The following C6orf62 variants were observed in gnomAD, a reference collection of about 807,000 sequenced individuals.
C6orf62 encodes the protein chromosome 6 open reading frame 62.
C6orf62 carries 16 observed loss-of-function variants against 26.8 expected under a neutral mutation model. The ratio of observed to expected loss-of-function variants is 0.60; its 90% CI spans 0.40 to 0.91. The LOEUF is 0.91. Ranked by LOEUF, C6orf62 falls within the 40% of genes least tolerant of loss-of-function variation. The pLI is 0.00. For missense variants in C6orf62, 192 were observed against 271.4 expected (o/e 0.71, Z 2.06); for synonymous variants, 112 against 91.5 (o/e 1.22, Z -1.28).
upstream of C6orf62, chr6:24,719,986 AT>A: frequency 6.5e-7 from 1 of 1,543,674 alleles, no homozygotes; most frequent in Admixed American, 2.0e-5. Flanking sequence ...AAAGAAAATA[AT>A]TGTGTTAATA....
intron 3 of C6orf62, among the ~76,000 whole-genome samples, chr6:24,710,801 C>T (rs10456316): frequency 6.6e-6 from 1 of 151,808 alleles, no homozygotes; most frequent in Admixed American, 6.6e-5. Flanking sequence ...GAGTTTGAGA[C>T]CAGCCCGGGC....
Position 24,718,648 on chromosome 6 carries a change from C to T in C6orf62, c.21G>A (p.Arg7=), listed in dbSNP as rs755899978. 9 of 1,613,784 alleles carry T rather than the reference C, an allele frequency of 5.6e-6. No homozygotes were observed. In the South Asian group the frequency reaches 8.8e-5, roughly 16 times the overall value. ...GTAGTCTGTTCAGAGCTTGTTTCTT[C>T]CGGGAGTTTGGGTCCCCCATTTTGA... MGDPNS[R]KKQALNRLRA... Residue 7 remains arginine (R), a synonymous_variant, in exon 1 of 5, where the codon CGG becomes CGA. Transcript: ENST00000378119.
intron 4 of C6orf62, among the ~76,000 whole-genome samples, chr6:24,707,726 G>C (rs536475018): frequency 6.6e-6 from 1 of 151,998 alleles, no homozygotes. Context: ...AAAGTCAGCC[G>C]GTTGCGGTGG....
At position 24,706,071 on chromosome 6, in the gene C6orf62, G is replaced by T; in HGVS notation, c.*66C>A. The stretch of plus-strand genomic sequence containing the variant: ...CTTTAAACTCTGAAAGAATAAAGTG[G>T]TAAGAAAACAAGAAAAAAAACTGCT... On this transcript the variant is annotated 3_prime_UTR_variant, in exon 5 of 5. Transcript: ENST00000378119. 1 of 1,587,252 alleles carries T rather than the reference G, an allele frequency of 6.3e-7. No homozygotes were observed. The highest frequency in any genetic ancestry group is 8.6e-7 in the Non-Finnish European group (1 of 1,164,064).
chr6:24,711,609 A>G (rs188360154), intron 3 of C6orf62, among the ~76,000 whole-genome samples: 60 of 152,278 alleles, frequency 3.9e-4, no homozygotes, highest in Non-Finnish European at 7.9e-4. Flanking sequence ...AGCCTGGGCA[A>G]CAAAGTGAGA....
upstream of C6orf62, chr6:24,719,181 CAAAA>C (rs1779303032): frequency 1.1e-6 from 1 of 907,914 alleles, no homozygotes; most frequent in Admixed American, 6.7e-5. Flanking sequence ...AAAAACTCAC[CAAAA>C]CCAAAACCAA....
chr6:24,714,762 T>C (rs899937336), intron 2 of C6orf62, among the ~76,000 whole-genome samples: 1 of 152,224 alleles, frequency 6.6e-6, no homozygotes, highest in South Asian at 2.1e-4. Flanking sequence ...ATTACAAGTG[T>C]GTGCCACCAT....
chr6:24,718,531 T>G lies in C6orf62; in HGVS notation c.129+9A>C. 1.3e-6 allele frequency: 2 copies of G among 1,595,856 alleles called. No homozygotes were observed. The highest frequency in any genetic ancestry group is 1.7e-6 in the Non-Finnish European group (2 of 1,168,986). On this transcript the variant is annotated intron_variant, in intron 1 of 4. Coordinates refer to ENST00000378119, the MANE Select transcript of C6orf62 (RefSeq NM_030939.5). The stretch of plus-strand genomic sequence containing the variant: ...TTGTGCTAATTCACCATTAAGAACT[T>G]TAAATTACCTTCTCCTTGAATACAA...
In C6orf62 at chr6:24,704,921, CTTTT is replaced by C. The variant is rs532472016; in HGVS notation, c.*1212_*1215del. Reference sequence around the variant, plus strand: ...CCTATTTTATTTAGGTTTTCTTTTTCTTTTTTTCTTTTTTTTTCAAATTCCAACC... The same window carrying C: ...CCTATTTTATTTAGGTTTTCTTTTTCTTTCTTTTTTTTTCAAATTCCAACC... On this transcript the variant is annotated 3_prime_UTR_variant, in exon 5 of 5. Coordinates refer to ENST00000378119, the MANE Select transcript of C6orf62 (RefSeq NM_030939.5). The C allele has an allele frequency of 5.3e-5, 8 of 151,750 alleles. No individual in the cohort carries two copies. The highest frequency in any genetic ancestry group is 2.0e-4 in the Admixed American group (3 of 15,236). 9.4% of individuals were successfully genotyped at this position (151,750 alleles called of 1,614,324 possible). A position where few individuals can be genotyped will look rare whatever the true frequency, so the allele number is the denominator to read the frequency against.
At position 24,718,687 on chromosome 6, in the gene C6orf62, C is replaced by CT; in HGVS notation, c.-20dup. On this transcript the variant is annotated 5_prime_UTR_variant, in exon 1 of 5. Coordinates refer to ENST00000378119, the MANE Select transcript of C6orf62 (RefSeq NM_030939.5). ...CCCCCATTTTGAAATACAGGTGGTA[C>CT]TAAAGCCTTTGGAAATTGTCACTAA... The CT allele has an allele frequency of 1.2e-6, 2 of 1,611,918 alleles. No individual in the cohort carries two copies. Among genetic ancestry groups the CT allele is most frequent in the Non-Finnish European group, 1.7e-6 (2 of 1,179,568 alleles).
rs184015272 is a variant in C6orf62, at chr6:24,711,582, C to A, written c.430-2671G>T. Among the ~76,000 whole-genome samples, 264 of 152,058 alleles carry A rather than the reference C, an allele frequency of 1.7e-3. 2 individuals are homozygous for A. The highest frequency in any genetic ancestry group is 6.1e-3 in the African/African-American group (252 of 41,446). ...GGCTGAGGCAAGAGGATCACTTGAACCTAGGAGTTCAAGACCAGCCTGGGC... is the reference window on the plus strand; with the variant it reads ...GGCTGAGGCAAGAGGATCACTTGAAACTAGGAGTTCAAGACCAGCCTGGGC... On this transcript the variant is annotated intron_variant, in intron 3 of 4. Coordinates refer to ENST00000378119, the MANE Select transcript of C6orf62 (RefSeq NM_030939.5).
Position 24,708,807 on chromosome 6 carries a change from C to A in C6orf62, c.534G>T (p.Val178=), listed in dbSNP as rs1779064764. ...GIVVNNPNQS[V]FLFIDRQHLQ... is the part of the protein sequence containing the mutation. ...AGTGCTGTCTGTCAATGAAGAGAAA[C>A]ACTGACTGGTTAGGATTGTTGACAA... The change falls in exon 4 of 5, where the codon GTG becomes GTT. Residue 178 remains valine, a synonymous_variant. Coordinates refer to ENST00000378119, the MANE Select transcript of C6orf62 (RefSeq NM_030939.5). The A allele has an allele frequency of 6.2e-7, 1 of 1,614,180 alleles. No individual in the cohort carries two copies. The highest frequency in any genetic ancestry group is 8.5e-7 in the Non-Finnish European group (1 of 1,180,042).
intron 1 of C6orf62, 100 bp from the exon 2 acceptor site, chr6:24,716,424 T>G: frequency 1.2e-6 from 1 of 820,708 alleles, no homozygotes; most frequent in Non-Finnish European, 1.9e-6. Flanking sequence ...CACAAAATTC[T>G]TAACTGTCTG....
intron 3 of C6orf62, chr6:24,709,724 A>G: frequency 1.0e-6 from 1 of 985,476 alleles, no homozygotes; most frequent in Non-Finnish European, 1.2e-6. Context: ...ATCTTTTAAC[A>G]TGAGGAAGAT....
chr6:24,709,980 T>G lies in C6orf62; in HGVS notation c.430-1069A>C, dbSNP rs192177151. 219 of 985,190 alleles carry G rather than the reference T, an allele frequency of 2.2e-4. 1 individual carries two copies. In the Admixed American group the frequency reaches 0.012, roughly 52 times the overall value. The allele number at this position is 985,190 out of a possible 1,614,324, so 61.0% of individuals were successfully genotyped here. A position where few individuals can be genotyped will look rare whatever the true frequency, so the allele number is the denominator to read the frequency against. On this transcript the variant is annotated intron_variant, in intron 3 of 4. Transcript: ENST00000378119. ...TTCCTGCTATGTAGCATTTTATACC[T>G]AGGAGCTTTTCTTATAAACCGTAAC... is the stretch of plus-strand genomic sequence containing the variant.
upstream of C6orf62, chr6:24,720,280 G>C: frequency 7.7e-7 from 1 of 1,297,274 alleles, no homozygotes; most frequent in Non-Finnish European, 9.7e-7. Flanking sequence ...TGGCGGCGGC[G>C]GAAGAGGCGG....
chr6:24,719,432 C>A, upstream of C6orf62: 1 of 1,075,824 alleles, frequency 9.3e-7, no homozygotes, highest in African/African-American at 1.7e-5. Flanking sequence ...CAGTGTATAC[C>A]GGGGGCGGGC....
intron 4 of C6orf62, among the ~76,000 whole-genome samples, chr6:24,708,524 G>A (rs1779058578): frequency 6.6e-6 from 1 of 152,086 alleles, no homozygotes; most frequent in Non-Finnish European, 1.5e-5. Flanking sequence ...TTTCTGTAGA[G>A]ATGGGGTTTC....
At chr6:24,719,971 G>T (rs549384544), upstream of C6orf62, 6 of 1,541,432 alleles carry the variant, frequency 3.9e-6, no homozygotes, top group South Asian at 6.0e-5. Context: ...TTCAGTGGGG[G>T]AAAAAAAGAA....
Sources: allele counts gnomAD v4.1 joint callset (sites outside exome capture counted in the v4.1 genomes callset), GRCh38; gene constraint gnomAD v4.1.1; transcripts MANE v1.5; gene names NCBI Gene and HGNC (gene_info 2026-07-23, HGNC 2026-07-21).